The following TAF2 variants were observed in gnomAD, a reference collection of about 807,000 sequenced individuals.
TAF2 encodes TATA-box binding protein associated factor 2.
TAF2 carries 61 observed loss-of-function variants against 138.5 expected under a neutral mutation model. The ratio of observed to expected loss-of-function variants is 0.44; its 90% CI spans 0.36 to 0.54. The LOEUF (loss-of-function observed/expected upper bound fraction) is 0.54. Among genes scored for constraint, TAF2 ranks in the 20% least tolerant of loss-of-function variants. TAF2 has a pLI of 0.00. For missense variants in TAF2, 1,090 were observed against 1,427.9 expected (o/e 0.76, Z 3.81); for synonymous variants, 475 against 469.9 (o/e 1.01, Z -0.14).
At chr8:119,763,809 G>A (rs1821233547) in intron 18 of TAF2, among the ~76,000 whole-genome samples, 1 of 151,662 alleles carries the variant, frequency 6.6e-6, no homozygotes, top group African/African-American at 2.4e-5. Flanking sequence ...AGCCACGATT[G>A]CACCACCGTA....
chr8:119,799,151 AT>A (rs34865570), intron 6 of TAF2, among the ~76,000 whole-genome samples: 1 of 151,646 alleles, frequency 6.6e-6, no homozygotes, highest in African/African-American at 2.4e-5. Context: ...ATTTTTTAAA[AT>A]TTTTTTATAT....
chr8:119,797,619 C>A, intron 7 of TAF2, 43 bp downstream of exon 7: 1 of 1,579,096 alleles, frequency 6.3e-7, no homozygotes, highest in East Asian at 2.2e-5. Context: ...TTCTTCATAT[C>A]ATGATCTTAA....
intron 3 of TAF2, among the ~76,000 whole-genome samples, chr8:119,817,009 G>C (rs1318907257): frequency 6.6e-6 from 1 of 152,166 alleles, no homozygotes; most frequent in Non-Finnish European, 1.5e-5. Flanking sequence ...CTCTCTTAAA[G>C]AGTAATCAAG....
chr8:119,790,377 C>G (rs542772448), intron 11 of TAF2, among the ~76,000 whole-genome samples: 76 of 152,084 alleles, frequency 5.0e-4, no homozygotes, highest in South Asian at 8.3e-4. Flanking sequence ...GAGGTCAAGG[C>G]TGCAGTGGGC....
chr8:119,766,924 A>G (rs1268029363), intron 18 of TAF2: 1 of 152,182 alleles, frequency 6.6e-6, no homozygotes, highest in African/African-American at 2.4e-5. Flanking sequence ...TAAATAGGGT[A>G]AAGAAGCGCT....
At chr8:119,737,062 A>G (rs1819268941) in intron 25 of TAF2, among the ~76,000 whole-genome samples, 1 of 152,214 alleles carries the variant, frequency 6.6e-6, no homozygotes, top group South Asian at 2.1e-4. Flanking sequence ...AGAAGAAAAG[A>G]GGTATGAACT....
At position 119,793,371 on chromosome 8, in the gene TAF2, C is replaced by T. The variant is rs1250930474; in HGVS notation, c.1272G>A (p.Lys424=). 2 of 1,611,478 alleles carry T rather than the reference C, an allele frequency of 1.2e-6. No individual in the cohort carries two copies. Among genetic ancestry groups the T allele is most frequent in the African/African-American group, 2.7e-5 (2 of 74,814 alleles). ...LHPIFGGGKE[K]DNPASHLHFS... is the part of the protein sequence containing the mutation. The stretch of plus-strand genomic sequence containing the variant: ...TCTCTGAACAATAAACATACTTATC[C>T]TTCTCTTTTCCTCCACCAAATATGG... Residue 424 remains lysine (K), a synonymous_variant, in exon 10 of 26, where the codon AAG becomes AAA. Coordinates refer to ENST00000378164, the MANE Select transcript of TAF2 (RefSeq NM_003184.4).
chr8:119,796,926 A>C, intron 8 of TAF2, 64 bp downstream of exon 8: 1 of 1,188,980 alleles, frequency 8.4e-7, no homozygotes, highest in Non-Finnish European at 1.3e-6. Flanking sequence ...GCTTAAATGC[A>C]GAGAAAGAAA....
intron 24 of TAF2, among the ~76,000 whole-genome samples, chr8:119,742,892 G>C (rs1257757129): frequency 6.6e-6 from 1 of 151,510 alleles, no homozygotes; most frequent in African/African-American, 2.4e-5. Flanking sequence ...GACCAGCCTA[G>C]ACCCCGTCTC....
chr8:119,829,530 TGA>T (rs1271578292), intron 2 of TAF2, among the ~76,000 whole-genome samples: 1 of 151,542 alleles, frequency 6.6e-6, no homozygotes, highest in Non-Finnish European at 1.5e-5. Flanking sequence ...TGTGTGTGTG[TGA>T]GTGTGTGTGT....
At chr8:119,764,926 T>C (rs1188235209) in intron 18 of TAF2, among the ~76,000 whole-genome samples, 1 of 151,616 alleles carries the variant, frequency 6.6e-6, no homozygotes, top group South Asian at 2.1e-4. Flanking sequence ...AAGGAAAGAA[T>C]CTTACCAAAA....
chr8:119,755,861 C>A lies in TAF2; in HGVS notation c.2878+145G>T. ...TTAATAAATGTTATCACAGCCACCA[C>A]TGTGAAGGTGTGATAGTCTACTTAA... is the stretch of plus-strand genomic sequence containing the variant. On this transcript the variant is annotated intron_variant, in intron 22 of 25. Coordinates refer to ENST00000378164, the MANE Select transcript of TAF2 (RefSeq NM_003184.4). 6.2e-6 allele frequency: 4 copies of A among 649,848 alleles called. No homozygotes were observed. The South Asian group carries it at 7.3e-5, about 12-fold the overall frequency. 40.3% of individuals were successfully genotyped at this position (649,848 alleles called of 1,614,324 possible). A position where few individuals can be genotyped will look rare whatever the true frequency, so the allele number is the denominator to read the frequency against.
chr8:119,786,552 G>C (rs1391281674), intron 14 of TAF2, among the ~76,000 whole-genome samples: 2 of 152,110 alleles, frequency 1.3e-5, no homozygotes, highest in Non-Finnish European at 1.5e-5. Context: ...AGCAAACAAA[G>C]AATGTTTGGT....
intron 11 of TAF2, among the ~76,000 whole-genome samples, chr8:119,790,015 T>C (rs1461844262): frequency 6.6e-6 from 1 of 152,066 alleles, no homozygotes; most frequent in Non-Finnish European, 1.5e-5. Flanking sequence ...TAATATATAA[T>C]ACCTATAATT....
chr8:119,793,230 A>G (rs1038191646), intron 10 of TAF2, 136 bp downstream of exon 10: 1 of 652,766 alleles, frequency 1.5e-6, no homozygotes, highest in Non-Finnish European at 2.6e-6. Flanking sequence ...TGAGTCTGTA[A>G]GCTTTAGCAA....
chr8:119,807,538 T>C (rs1294467691), intron 3 of TAF2, among the ~76,000 whole-genome samples: 1 of 152,240 alleles, frequency 6.6e-6, no homozygotes, highest in Non-Finnish European at 1.5e-5. Flanking sequence ...ATCCTCGTTG[T>C]ACACCTTTAT....
At chr8:119,733,898 T>C (rs1438537857) in intron 25 of TAF2, among the ~76,000 whole-genome samples, 6 of 151,994 alleles carry the variant, frequency 3.9e-5, no homozygotes, top group South Asian at 2.1e-4. Context: ...GTCACTAAGG[T>C]TTCTCTGCCT....
intron 14 of TAF2, among the ~76,000 whole-genome samples, chr8:119,786,548 C>G (rs1823023194): frequency 6.6e-6 from 1 of 152,020 alleles, no homozygotes; most frequent in South Asian, 2.1e-4. Context: ...GGCAAGCAAA[C>G]AAAGAATGTT....
At chr8:119,782,446 A>C (rs1822733414) in intron 16 of TAF2, among the ~76,000 whole-genome samples, 2 of 152,246 alleles carry the variant, frequency 1.3e-5, no homozygotes, top group Non-Finnish European at 2.9e-5. Flanking sequence ...GGTTTTATCA[A>C]GGAAAATCAC....
Sources: gnomAD v4.1 joint callset for allele counts (sites outside exome capture counted in the v4.1 genomes callset) on GRCh38, gnomAD v4.1.1 for gene constraint, MANE v1.5 for transcripts, NCBI Gene and HGNC (gene_info 2026-07-23, HGNC 2026-07-21) for gene names.